The following EFCAB11 variants were observed in gnomAD, a reference collection of about 807,000 sequenced individuals.
EFCAB11 encodes EF-hand calcium binding domain 11, also known as EF-hand calcium-binding domain-containing protein 11.
Under a neutral mutation model 23.0 loss-of-function variants are expected in EFCAB11, and 14 were observed. The observed-to-expected ratio is 0.61, with a 90% CI of 0.40 to 0.95. The LOEUF (loss-of-function observed/expected upper bound fraction) is 0.95, where lower values mean the gene tolerates loss of function less well. Ranked by LOEUF, EFCAB11 falls within the 40% of genes least tolerant of loss-of-function variation. The pLI is 0.00. For missense variants in EFCAB11, 198 were observed against 195.8 expected (o/e 1.01, Z -0.07); for synonymous variants, 65 against 66.6 (o/e 0.98, Z 0.11).
At chr14:89,852,655 A>G (rs1331645661) in intron 5 of EFCAB11, among the ~76,000 whole-genome samples, 1 of 152,194 alleles carries the variant, frequency 6.6e-6, no homozygotes, top group Non-Finnish European at 1.5e-5. Flanking sequence ...CTGGGAAACA[A>G]TCTCGATGTG....
intron 3 of EFCAB11, among the ~76,000 whole-genome samples, chr14:89,939,685 T>C (rs903497909): frequency 6.6e-6 from 1 of 152,234 alleles, no homozygotes; most frequent in Non-Finnish European, 1.5e-5. Flanking sequence ...AATAGTAATA[T>C]AACATCTGGC....
At chr14:89,944,427 C>T (rs1300166847) in intron 3 of EFCAB11, among the ~76,000 whole-genome samples, 1 of 152,194 alleles carries the variant, frequency 6.6e-6, no homozygotes, top group East Asian at 1.9e-4. Context: ...GGTGGGGACA[C>T]AGCCAATCCA....
chr14:89,872,304 T>C (rs770082629), intron 5 of EFCAB11, among the ~76,000 whole-genome samples: 1 of 152,150 alleles, frequency 6.6e-6, no homozygotes, highest in Non-Finnish European at 1.5e-5. Context: ...GTTAAGAACA[T>C]TCAGACCCAG....
At chr14:89,902,765 T>TCTAAGC (rs1227940811) in intron 5 of EFCAB11, among the ~76,000 whole-genome samples, 8 of 152,336 alleles carry the variant, frequency 5.3e-5, no homozygotes, top group African/African-American at 1.9e-4. Context: ...ATCATACTGA[T>TCTAAGC]CTAAGCCATT....
chr14:89,898,224 A>G (rs1428138331), intron 5 of EFCAB11, among the ~76,000 whole-genome samples: 2 of 152,152 alleles, frequency 1.3e-5, no homozygotes, highest in African/African-American at 2.4e-5. Flanking sequence ...TTATCCTCGC[A>G]TGTGTAAAAT....
At chr14:89,917,826 G>A (rs963143344) in intron 5 of EFCAB11, among the ~76,000 whole-genome samples, 6 of 152,202 alleles carry the variant, frequency 3.9e-5, no homozygotes, top group African/African-American at 1.4e-4. Context: ...AGCTTTAACT[G>A]TAAAATGGAT....
At chr14:89,910,730 T>C (rs1312645245) in intron 5 of EFCAB11, among the ~76,000 whole-genome samples, 2 of 152,200 alleles carry the variant, frequency 1.3e-5, no homozygotes, top group African/African-American at 4.8e-5. Flanking sequence ...CTCATGTCAC[T>C]TGGAGTGTTG....
At chr14:89,899,938 C>T (rs2140201165) in intron 5 of EFCAB11, among the ~76,000 whole-genome samples, 1 of 152,288 alleles carries the variant, frequency 6.6e-6, no homozygotes, top group East Asian at 1.9e-4. Context: ...AAGACCCTGC[C>T]ACTCCACTCT....
intron 5 of EFCAB11, among the ~76,000 whole-genome samples, chr14:89,824,586 G>A (rs1351192560): frequency 6.6e-6 from 1 of 151,974 alleles, no homozygotes; most frequent in African/African-American, 2.4e-5. Context: ...TTAAAAATCA[G>A]GATTGCCAGA....
chr14:89,843,570 C>T (rs1426241266), intron 5 of EFCAB11, among the ~76,000 whole-genome samples: 1 of 152,172 alleles, frequency 6.6e-6, no homozygotes, highest in Admixed American at 6.5e-5. Flanking sequence ...TGTAGATACT[C>T]TTGTGCTACA....
At chr14:89,833,267 T>C (rs1019573212) in intron 5 of EFCAB11, 1 of 151,750 alleles carries the variant, frequency 6.6e-6, no homozygotes, top group Non-Finnish European at 1.5e-5. Flanking sequence ...TGAAATGATA[T>C]GATCTTTGGA....
intron 3 of EFCAB11, among the ~76,000 whole-genome samples, chr14:89,937,363 A>G (rs968952136): frequency 1.3e-5 from 2 of 152,148 alleles, no homozygotes; most frequent in Non-Finnish European, 2.9e-5. Flanking sequence ...TGTGTCCCCA[A>G]AGGATCTAGG....
In EFCAB11 at chr14:89,896,107, C is replaced by A. The variant is rs534954389; in HGVS notation, c.410+35434G>T. Among the ~76,000 whole-genome samples the A allele has an allele frequency of 1.3e-4, 20 of 152,260 alleles. No homozygotes were observed. In the South Asian group the frequency reaches 2.9e-3, roughly 22 times the overall value. On this transcript the variant is annotated intron_variant, in intron 5 of 5. Coordinates refer to ENST00000316738, the MANE Select transcript of EFCAB11 (RefSeq NM_145231.4). ...GGGAAAGATTAAGAAGTCTGGCGGC[C>A]GGGCGCGGTGGCTCACGCCTGTAAT...
At chr14:89,900,431 AAATTTTCT>A (rs1889305016) in intron 5 of EFCAB11, among the ~76,000 whole-genome samples, 1 of 152,192 alleles carries the variant, frequency 6.6e-6, no homozygotes, top group African/African-American at 2.4e-5. Context: ...ATAAATGGAC[AAATTTTCT>A]GACTTGAATA....
chr14:89,948,809 T>C (rs1891063142), intron 3 of EFCAB11, among the ~76,000 whole-genome samples: 1 of 151,530 alleles, frequency 6.6e-6, no homozygotes, highest in African/African-American at 2.4e-5. Flanking sequence ...ACATAGAAAG[T>C]AGAAGGATGG....
chr14:89,901,162 C>T (rs1274106204), intron 5 of EFCAB11, among the ~76,000 whole-genome samples: 1 of 152,116 alleles, frequency 6.6e-6, no homozygotes, highest in Non-Finnish European at 1.5e-5. Context: ...CTACTCTTCC[C>T]AGAAGAGAGG....
chr14:89,836,494 G>A (rs1307988718), intron 5 of EFCAB11: 2 of 451,816 alleles, frequency 4.4e-6, no homozygotes, highest in Non-Finnish European at 8.9e-6. Context: ...AAGCATGGAT[G>A]TTGGGGGCGG....
rs1398938670 is a variant in EFCAB11, at chr14:89,795,575, G to A, written c.*1668C>T. ...CCAGATACTCAGGAGGCTAAGGCAG[G>A]AGAATCACTTGATCCCAGGAGGCGG... On this transcript the variant is annotated 3_prime_UTR_variant, in exon 6 of 6. Coordinates refer to ENST00000316738, the MANE Select transcript of EFCAB11 (RefSeq NM_145231.4). 6.6e-6 allele frequency: 1 copy of A among 151,908 alleles called. No individual in the cohort carries two copies. The highest frequency in any genetic ancestry group is 1.5e-5 in the Non-Finnish European group (1 of 68,004). 9.4% of individuals were successfully genotyped at this position (151,908 alleles called of 1,614,324 possible).
chr14:89,894,871 C>A (rs1457177112), intron 5 of EFCAB11, among the ~76,000 whole-genome samples: 1 of 152,020 alleles, frequency 6.6e-6, no homozygotes, highest in Admixed American at 6.6e-5. Context: ...CTACTATTTA[C>A]AATAGCAACA....
Sources: gnomAD v4.1 joint callset for allele counts (sites outside exome capture counted in the v4.1 genomes callset) on GRCh38, gnomAD v4.1.1 for gene constraint, MANE v1.5 for transcripts, NCBI Gene and HGNC (gene_info 2026-07-23, HGNC 2026-07-21) for gene names.